The following CALD1 variants were observed in gnomAD, a reference collection of about 807,000 sequenced individuals.
CALD1 encodes the protein caldesmon.
In CALD1, 33 loss-of-function variants were observed where a neutral mutation model predicts 99.9. That is an observed-to-expected ratio of 0.33 (90% confidence interval 0.25 to 0.44). The LOEUF (loss-of-function observed/expected upper bound fraction) is 0.44. Ranked by LOEUF, CALD1 falls within the 20% of genes least tolerant of loss-of-function variation. The probability of loss-of-function intolerance (pLI) is 1.00; values close to 1 mark genes in which losing one functional copy is unlikely to be tolerated. For synonymous variants in CALD1, 310 were observed against 325.0 expected (o/e 0.95, Z 0.50); for missense variants, 861 against 962.1 (o/e 0.89, Z 1.39).
intron 1 of CALD1, among the ~76,000 whole-genome samples, chr7:134,773,824 GTGTT>G (rs1324366924): frequency 1.6e-3 from 238 of 144,810 alleles, no homozygotes; most frequent in African/African-American, 6.2e-3. Context: ...GTGTGTGTGT[GTGTT>G]TCTGTTGTTT....
chr7:134,755,750 G>C (rs559831979), intron 1 of CALD1, among the ~76,000 whole-genome samples: 3 of 152,270 alleles, frequency 2.0e-5, no homozygotes, highest in Admixed American at 2.0e-4. Context: ...TCACAGTGTA[G>C]AAGTTGTTTT....
At chr7:134,791,428 C>T (rs1273457213) in intron 1 of CALD1, among the ~76,000 whole-genome samples, 1 of 152,128 alleles carries the variant, frequency 6.6e-6, no homozygotes, top group Non-Finnish European at 1.5e-5. Flanking sequence ...GAACTCCTGA[C>T]CTCAAGTGAT....
rs545692886 is a variant in CALD1, at chr7:134,807,776, C to T, written c.-130+28027C>T. Among the ~76,000 whole-genome samples the T allele has an allele frequency of 1.1e-3, 163 of 152,090 alleles. 1 individual carries two copies. Among genetic ancestry groups the T allele is most frequent in the African/African-American group, 3.7e-3 (152 of 41,476 alleles). On this transcript the variant is annotated intron_variant, in intron 1 of 14. Coordinates refer to ENST00000361675, the MANE Select transcript of CALD1 (RefSeq NM_033138.4). ...CTGAGTAGCTGGGATTACAGGTGCC[C>T]GCCACCATGCCCAGCTAATTTTTGT...
chr7:134,853,947 G>C (rs1800189907), intron 2 of CALD1, among the ~76,000 whole-genome samples: 1 of 141,962 alleles, frequency 7.0e-6, no homozygotes, highest in Non-Finnish European at 1.5e-5. Flanking sequence ...CCAATTATGA[G>C]TGAGAACATG....
chr7:134,714,755 A>G, the CALD1 span, among the ~76,000 whole-genome samples: 1 of 152,350 alleles, frequency 6.6e-6, no homozygotes, highest in African/African-American at 2.4e-5. Context: ...AAATTTCTAG[A>G]AAATGGGTGG....
intron 6 of CALD1, among the ~76,000 whole-genome samples, chr7:134,939,926 T>C (rs959896403): frequency 2.6e-5 from 4 of 152,018 alleles, no homozygotes; most frequent in African/African-American, 9.7e-5. Flanking sequence ...ATCGCACCAC[T>C]GCACTCCAGC....
chr7:134,803,060 A>G (rs757924720), intron 1 of CALD1, among the ~76,000 whole-genome samples: 83 of 152,164 alleles, frequency 5.5e-4, no homozygotes, highest in Non-Finnish European at 1.6e-4. Context: ...TGGAGTAGTC[A>G]GTCTTTCTAA....
intron 3 of CALD1, among the ~76,000 whole-genome samples, chr7:134,869,102 G>C (rs1800942968): frequency 6.6e-6 from 1 of 152,048 alleles, no homozygotes; most frequent in African/African-American, 2.4e-5. Flanking sequence ...CATGCCAAGA[G>C]AAGGAAAGGT....
chr7:134,947,304 G>C (rs532008285), intron 7 of CALD1, among the ~76,000 whole-genome samples: 1 of 152,166 alleles, frequency 6.6e-6, no homozygotes, highest in South Asian at 2.1e-4. Flanking sequence ...TTTTACAGCT[G>C]AGGAAACGAA....
chr7:134,822,752 A>C (rs1315217114), intron 1 of CALD1, among the ~76,000 whole-genome samples: 2 of 152,148 alleles, frequency 1.3e-5, no homozygotes, highest in African/African-American at 2.4e-5. Context: ...AACTTATTCT[A>C]CTTCATTTGA....
At chr7:134,769,122 G>T (rs1796855417) in intron 1 of CALD1, among the ~76,000 whole-genome samples, 1 of 151,260 alleles carries the variant, frequency 6.6e-6, no homozygotes, top group Non-Finnish European at 1.5e-5. Context: ...TAGCTATTAT[G>T]TTATATATCA....
chr7:134,818,043 T>A (rs952505834), intron 1 of CALD1, among the ~76,000 whole-genome samples: 1 of 152,204 alleles, frequency 6.6e-6, no homozygotes, highest in Non-Finnish European at 1.5e-5. Flanking sequence ...TTTTTGAGTT[T>A]TATATGCACA....
intron 1 of CALD1, among the ~76,000 whole-genome samples, chr7:134,798,881 G>A (rs1797845299): frequency 6.6e-6 from 1 of 152,188 alleles, no homozygotes; most frequent in South Asian, 2.1e-4. Flanking sequence ...GGAAAGGCTG[G>A]ACTAGATGTG....
At chr7:134,743,812 T>C (rs369238261), upstream of CALD1, among the ~76,000 whole-genome samples, 8 of 152,234 alleles carry the variant, frequency 5.3e-5, no homozygotes, top group South Asian at 1.2e-3. Flanking sequence ...CTCACAAATA[T>C]AAGACTTAAA....
At chr7:134,775,477 C>A (rs974127575), upstream of CALD1, among the ~76,000 whole-genome samples, 1 of 152,066 alleles carries the variant, frequency 6.6e-6, no homozygotes, top group Admixed American at 6.5e-5. Flanking sequence ...TTTGGGAGGC[C>A]GAGGCGGGTG....
At chr7:134,809,765 G>A (rs1798285933) in intron 1 of CALD1, 1 of 152,076 alleles carries the variant, frequency 6.6e-6, no homozygotes, top group African/African-American at 2.4e-5. Context: ...ATCAACTTTG[G>A]AGCCCTAAAA....
At chr7:134,855,497 A>G (rs1800259804) in intron 2 of CALD1, among the ~76,000 whole-genome samples, 1 of 152,378 alleles carries the variant, frequency 6.6e-6, no homozygotes, top group Admixed American at 6.5e-5. Flanking sequence ...CCAAAGAAAC[A>G]AAGTTGGATG....
the CALD1 span, among the ~76,000 whole-genome samples, chr7:134,732,197 C>A: frequency 5.3e-5 from 8 of 152,214 alleles, no homozygotes; most frequent in Admixed American, 1.3e-4. Flanking sequence ...TGAGCTGCAA[C>A]TTATACCTGA....
chr7:134,756,061 G>A (rs1195629959), intron 1 of CALD1, among the ~76,000 whole-genome samples: 1 of 151,738 alleles, frequency 6.6e-6, no homozygotes, highest in South Asian at 2.1e-4. Flanking sequence ...CTGCTAATTT[G>A]TGTATTTTTA....
Sources: gnomAD v4.1 joint callset for allele counts (sites outside exome capture counted in the v4.1 genomes callset) on GRCh38, gnomAD v4.1.1 for gene constraint, MANE v1.5 for transcripts, NCBI Gene and HGNC (gene_info 2026-07-23, HGNC 2026-07-21) for gene names.